The following PCDH15 variants were observed in gnomAD, a reference collection of about 807,000 sequenced individuals.
The protein encoded by PCDH15 is protocadherin related 15, also known as protocadherin-15.
A neutral mutation model predicts 178.5 loss-of-function variants in PCDH15; 129 were observed. That is an observed-to-expected ratio of 0.72 (90% CI 0.63 to 0.84). PCDH15 has a LOEUF of 0.84. PCDH15 is among the 40% of genes least tolerant of loss of function. The pLI, the probability that PCDH15 is intolerant of heterozygous loss-of-function variation, is 0.00. For synonymous variants in PCDH15, 800 were observed against 732.0 expected, an observed-to-expected ratio of 1.09 and a Z score of -1.50; for missense variants, 2,230 against 2,099.9, an observed-to-expected ratio of 1.06 and a Z score of -1.21.
intron 1 of PCDH15, among the ~76,000 whole-genome samples, chr10:55,188,837 T>C (rs1380216646): frequency 6.6e-6 from 1 of 151,936 alleles, no homozygotes; most frequent in Non-Finnish European, 1.5e-5. Context: ...CCCAGAATTG[T>C]TGTACCACAT....
At chr10:54,431,204 C>G (rs1403333477) in intron 3 of PCDH15, among the ~76,000 whole-genome samples, 1 of 152,102 alleles carries the variant, frequency 6.6e-6, no homozygotes, top group Non-Finnish European at 1.5e-5. Flanking sequence ...ACCAATTCTA[C>G]TCAAACTATT....
chr10:54,152,968 T>A, intron 14 of PCDH15, 132 bp downstream of exon 14: 2 of 1,096,222 alleles, frequency 1.8e-6, no homozygotes, highest in Non-Finnish European at 2.7e-6. Context: ...TTCCTGAGAA[T>A]CTGGTCTCTC....
At chr10:55,273,891 C>T (rs1156463015) in intron 1 of PCDH15, among the ~76,000 whole-genome samples, 1 of 151,156 alleles carries the variant, frequency 6.6e-6, no homozygotes, top group Non-Finnish European at 1.5e-5. Flanking sequence ...AATCCAGGCT[C>T]AATAACAAAT....
At chr10:54,207,408 G>A (rs1161444377) in intron 10 of PCDH15, among the ~76,000 whole-genome samples, 5 of 148,130 alleles carry the variant, frequency 3.4e-5, no homozygotes, top group Non-Finnish European at 7.5e-5. Flanking sequence ...GTGTGTGTGT[G>A]TTTTGGTATT....
At chr10:54,564,788 TG>T (rs1319529597) in intron 2 of PCDH15, among the ~76,000 whole-genome samples, 1 of 152,078 alleles carries the variant, frequency 6.6e-6, no homozygotes, top group Non-Finnish European at 1.5e-5. Context: ...AAGATTAAGT[TG>T]AAAAAATTAT....
chr10:54,409,283 T>C (rs913665125), intron 3 of PCDH15, among the ~76,000 whole-genome samples: 1 of 152,184 alleles, frequency 6.6e-6, no homozygotes, highest in African/African-American at 2.4e-5. Context: ...AGATCAGTTA[T>C]GTTGTGGTTT....
intron 1 of PCDH15, among the ~76,000 whole-genome samples, chr10:55,167,288 A>AT (rs1341282894): frequency 6.6e-6 from 1 of 151,714 alleles, no homozygotes; most frequent in Non-Finnish European, 1.5e-5. Context: ...TCATTTTTAT[A>AT]TTTTTTGTAC....
intron 19 of PCDH15, among the ~76,000 whole-genome samples, chr10:54,021,108 A>G (rs1411222669): frequency 1.3e-5 from 2 of 152,026 alleles, no homozygotes; most frequent in African/African-American, 4.8e-5. Flanking sequence ...ACTAAAATAG[A>G]AAGGAAAAAA....
intron 2 of PCDH15, among the ~76,000 whole-genome samples, chr10:55,371,270 C>T (rs1046267481): frequency 4.6e-5 from 7 of 151,988 alleles, no homozygotes; most frequent in Non-Finnish European, 1.0e-4. Flanking sequence ...CACAAATTAC[C>T]ACATTTCTGG....
intron 3 of PCDH15, among the ~76,000 whole-genome samples, chr10:54,442,458 ATAC>A (rs1565288392): frequency 3.2e-5 from 3 of 94,784 alleles, no homozygotes; most frequent in African/African-American, 8.9e-5. Flanking sequence ...ATATATATAT[ATAC>A]AGTCTTTTTT....
intron 2 of PCDH15, among the ~76,000 whole-genome samples, chr10:55,442,470 T>TATATATTATATATATATAA (rs5785132): frequency 8.0e-6 from 1 of 124,698 alleles, no homozygotes; most frequent in Admixed American, 8.6e-5. Flanking sequence ...TATATATATA[T>TATATATTATATATATATAA]TATATATATA....
intron 3 of PCDH15, among the ~76,000 whole-genome samples, chr10:54,478,099 G>A (rs573911113): frequency 6.6e-6 from 1 of 152,134 alleles, no homozygotes; most frequent in African/African-American, 2.4e-5. Context: ...TATTTTCAGT[G>A]TTTTTCAAAA....
At chr10:54,298,548 A>G (rs1225812551) in intron 8 of PCDH15, among the ~76,000 whole-genome samples, 1 of 152,178 alleles carries the variant, frequency 6.6e-6, no homozygotes, top group Non-Finnish European at 1.5e-5. Flanking sequence ...AATGAGAAAC[A>G]AGCTGCCCCC....
intron 2 of PCDH15, among the ~76,000 whole-genome samples, chr10:55,016,276 A>T (rs1254030108): frequency 2.0e-5 from 3 of 152,096 alleles, no homozygotes; most frequent in Non-Finnish European, 4.4e-5. Context: ...ACACTCTCCT[A>T]GTTACTTTAT....
intron 1 of PCDH15, among the ~76,000 whole-genome samples, chr10:55,242,280 C>T (rs1841564077): frequency 6.6e-6 from 1 of 152,080 alleles, no homozygotes; most frequent in African/African-American, 2.4e-5. Flanking sequence ...CAGCCCACTT[C>T]CTGCTTGTAT....
intron 2 of PCDH15, among the ~76,000 whole-genome samples, chr10:55,566,056 T>A (rs1050375527): frequency 2.0e-5 from 3 of 151,646 alleles, no homozygotes; most frequent in African/African-American, 7.2e-5. Context: ...TCAAAAAATT[T>A]CTAGCAAAAC....
intron 1 of PCDH15, among the ~76,000 whole-genome samples, chr10:55,222,573 G>A (rs563421240): frequency 6.6e-6 from 1 of 151,382 alleles, no homozygotes; most frequent in African/African-American, 2.4e-5. Context: ...GTGCCAGCTG[G>A]AGAACTACTA....
At chr10:53,817,612 T>C (rs983844948) in intron 34 of PCDH15, among the ~76,000 whole-genome samples, 1 of 150,658 alleles carries the variant, frequency 6.6e-6, no homozygotes, top group African/African-American at 2.4e-5. Flanking sequence ...ATCTCCGCCT[T>C]GCCGGTTCAA....
chr10:54,186,976 T>C (rs1210470996), intron 11 of PCDH15, among the ~76,000 whole-genome samples: 1 of 152,012 alleles, frequency 6.6e-6, no homozygotes, highest in Non-Finnish European at 1.5e-5. Flanking sequence ...TTAGTTAACA[T>C]GCAGTTTCAG....
Sources: allele counts gnomAD v4.1 joint callset (sites outside exome capture counted in the v4.1 genomes callset), GRCh38; gene constraint gnomAD v4.1.1; transcripts MANE v1.5; gene names NCBI Gene and HGNC (gene_info 2026-07-23, HGNC 2026-07-21).